C6orf118: variants seen among roughly 807,000 people sequenced by gnomAD.
The protein encoded by C6orf118 is chromosome 6 open reading frame 118, also known as uncharacterized protein C6orf118.
C6orf118 carries 50 observed loss-of-function variants against 50.2 expected under a neutral mutation model. The observed-to-expected ratio is 1.00, with a 90% confidence interval of 0.79 to 1.26. C6orf118 has a LOEUF of 1.26. C6orf118 is among the 50% of genes most tolerant of loss of function. The pLI is 0.00. For missense variants in C6orf118, 641 were observed against 578.7 expected, an observed-to-expected ratio of 1.11 and a Z score of -1.10; for synonymous variants, 239 against 230.9, an observed-to-expected ratio of 1.03 and a Z score of -0.32.
intron 8 of C6orf118, 52 bp from the exon 9 acceptor site, chr6:165,280,162 C>T (rs1779679794): frequency 7.7e-7 from 1 of 1,302,964 alleles, no homozygotes; most frequent in African/African-American, 1.5e-5. Flanking sequence ...ATACATTAAG[C>T]ATGAAATAAA....
chr6:165,294,514 T>G (rs1470547288), intron 5 of C6orf118, among the ~76,000 whole-genome samples: 1 of 152,120 alleles, frequency 6.6e-6, no homozygotes, highest in Non-Finnish European at 1.5e-5. Context: ...GGGCCTAACA[T>G]TTTAAGAGTT....
chr6:165,296,656 C>T (rs1426525647), intron 5 of C6orf118, among the ~76,000 whole-genome samples: 2 of 152,152 alleles, frequency 1.3e-5, no homozygotes, highest in Non-Finnish European at 2.9e-5. Flanking sequence ...CTTGGTCCAT[C>T]GGTCCTCACT....
chr6:165,302,526 A>G (rs1221943536), intron 1 of C6orf118, among the ~76,000 whole-genome samples: 1 of 152,182 alleles, frequency 6.6e-6, no homozygotes, highest in Non-Finnish European at 1.5e-5. Context: ...TCAACCCGAA[A>G]GCTCAGGACC....
intron 6 of C6orf118, 47 bp from the exon 7 acceptor site, chr6:165,290,114 GTTA>G (rs1330295801): frequency 1.7e-6 from 2 of 1,158,350 alleles, no homozygotes; most frequent in Non-Finnish European, 2.5e-6. Context: ...TAATATCTCA[GTTA>G]TTATTAATAG....
intron 6 of C6orf118, among the ~76,000 whole-genome samples, chr6:165,292,753 G>A (rs940245836): frequency 1.3e-5 from 2 of 152,130 alleles, no homozygotes; most frequent in African/African-American, 4.8e-5. Flanking sequence ...TGCAAATCAG[G>A]CGACAAGAAA....
In C6orf118 at chr6:165,309,594, T is replaced by G. The variant is rs1314441844; in HGVS notation, c.-8A>C. 6.2e-7 allele frequency: 1 copy of G among 1,614,052 alleles called. No individual in the cohort carries two copies. The highest frequency in any genetic ancestry group is 1.1e-5 in the South Asian group (1 of 91,080). On this transcript the variant is annotated 5_prime_UTR_variant, in exon 1 of 9. Coordinates refer to ENST00000230301, the MANE Select transcript of C6orf118 (RefSeq NM_144980.4). Reference sequence around the variant, plus strand: ...CTCCCGCTCCTCCGCCATCGCTTCCTTCCCTCCAGCTGCCTGGGCTGGGCT... The same window carrying G: ...CTCCCGCTCCTCCGCCATCGCTTCCGTCCCTCCAGCTGCCTGGGCTGGGCT...
At chr6:165,299,634 A>T in intron 3 of C6orf118, 132 bp from the exon 4 acceptor site, 1 of 657,302 alleles carries the variant, frequency 1.5e-6, no homozygotes, top group Non-Finnish European at 2.6e-6. Flanking sequence ...AAATGTTCCC[A>T]CAATGCATTA....
At chr6:165,293,352 G>A (rs1460466173) in intron 6 of C6orf118, 61 bp downstream of exon 6, 1 of 1,463,964 alleles carries the variant, frequency 6.8e-7, no homozygotes, top group East Asian at 2.3e-5. Flanking sequence ...CACTGCAGCA[G>A]CTGAAATAAT....
At chr6:165,286,874 A>G (rs1158334092) in intron 7 of C6orf118, among the ~76,000 whole-genome samples, 1 of 152,216 alleles carries the variant, frequency 6.6e-6, no homozygotes, top group Non-Finnish European at 1.5e-5. Flanking sequence ...TGCACAAGAT[A>G]AGAATGCCCT....
chr6:165,309,541 G>A (rs1325826284), intron 1 of C6orf118, 21 bp downstream of exon 1: 1 of 1,614,098 alleles, frequency 6.2e-7, no homozygotes, highest in Non-Finnish European at 8.5e-7. Context: ...AAGCCAGCAA[G>A]AGCCGCTCCA....
intron 3 of C6orf118, 33 bp from the exon 4 acceptor site, chr6:165,299,535 T>C (rs921305133): frequency 7.0e-6 from 11 of 1,581,770 alleles, no homozygotes; most frequent in Admixed American, 6.7e-5. Context: ...CCACTGGCCA[T>C]GTATGAGGAG....
At chr6:165,285,465 C>A (rs1182633401) in intron 7 of C6orf118, among the ~76,000 whole-genome samples, 2 of 152,122 alleles carry the variant, frequency 1.3e-5, no homozygotes, top group Non-Finnish European at 2.9e-5. Flanking sequence ...TAGATATGTA[C>A]AGAGCTCTCC....
At chr6:165,284,909 G>C (rs1779851546) in intron 7 of C6orf118, among the ~76,000 whole-genome samples, 1 of 151,956 alleles carries the variant, frequency 6.6e-6, no homozygotes, top group African/African-American at 2.4e-5. Context: ...TACATTAGCA[G>C]GTGTGCAAAA....
At chr6:165,298,223 A>T in intron 4 of C6orf118, 122 bp from the exon 5 acceptor site, 1 of 1,259,296 alleles carries the variant, frequency 7.9e-7, no homozygotes, top group Non-Finnish European at 1.0e-6. Flanking sequence ...TTCTAGTTAA[A>T]ATAGGTAAAT....
intron 5 of C6orf118, 94 bp downstream of exon 5, chr6:165,297,883 C>T: frequency 6.4e-7 from 1 of 1,567,696 alleles, no homozygotes; most frequent in Non-Finnish European, 8.7e-7. Flanking sequence ...TTCAGCAACG[C>T]AGAAATCAAT....
At chr6:165,294,603 G>A (rs150382792) in intron 5 of C6orf118, among the ~76,000 whole-genome samples, 3 of 152,158 alleles carry the variant, frequency 2.0e-5, no homozygotes, top group African/African-American at 7.2e-5. Flanking sequence ...TAAGAAACTG[G>A]AGCCAGGTGT....
chr6:165,283,514 C>T (rs1779802534), intron 7 of C6orf118, among the ~76,000 whole-genome samples: 1 of 152,226 alleles, frequency 6.6e-6, no homozygotes, highest in Admixed American at 6.5e-5. Context: ...GCACTCCTGA[C>T]TGGGTGAGAC....
intron 7 of C6orf118, among the ~76,000 whole-genome samples, chr6:165,286,858 C>T (rs1182467326): frequency 6.6e-6 from 1 of 152,094 alleles, no homozygotes; most frequent in East Asian, 1.9e-4. Context: ...CTCTTTAAAA[C>T]TGGCATGCAC....
At chr6:165,291,771 T>C (rs1780113766) in intron 6 of C6orf118, among the ~76,000 whole-genome samples, 1 of 152,190 alleles carries the variant, frequency 6.6e-6, no homozygotes, top group African/African-American at 2.4e-5. Context: ...CATCAAGTGA[T>C]CCACTGCTAA....
Sources: allele counts gnomAD v4.1 joint callset (sites outside exome capture counted in the v4.1 genomes callset), GRCh38; gene constraint gnomAD v4.1.1; transcripts MANE v1.5; gene names NCBI Gene and HGNC (gene_info 2026-07-23, HGNC 2026-07-21).